Variants in L3MBTL4 observed in about 807,000 individuals in gnomAD.
The protein encoded by L3MBTL4 is lethal(3)malignant brain tumor-like protein 4.
L3MBTL4 carries 70 observed loss-of-function variants against 84.5 expected under a neutral mutation model. The observed-to-expected ratio is 0.83, with a 90% confidence interval of 0.68 to 1.01. The LOEUF (loss-of-function observed/expected upper bound fraction) is 1.01. Ranked by LOEUF, L3MBTL4 falls within the 50% of genes least tolerant of loss-of-function variation. The pLI, the probability that L3MBTL4 is intolerant of heterozygous loss-of-function variation, is 0.00. For synonymous variants in L3MBTL4, 274 were observed against 259.8 expected, an observed-to-expected ratio of 1.05 and a Z score of -0.52; for missense variants, 715 against 754.8, an observed-to-expected ratio of 0.95 and a Z score of 0.62.
intron 1 of L3MBTL4, among the ~76,000 whole-genome samples, chr18:6,381,540 C>T (rs2054595206): frequency 6.6e-6 from 1 of 152,234 alleles, no homozygotes; most frequent in Non-Finnish European, 1.5e-5. Context: ...GTGACAAAAT[C>T]TCTCAGCATT....
rs569959536 is a variant in L3MBTL4, at chr18:6,406,637, G to A, written c.-91+8164C>T. Among the ~76,000 whole-genome samples, 71 of 152,202 alleles carry A rather than the reference G, an allele frequency of 4.7e-4. No homozygotes were observed. In the South Asian group the frequency reaches 0.015, roughly 32 times the overall value. On this transcript the variant is annotated intron_variant, in intron 1 of 18. Transcript: ENST00000317931. ...CGTTGTCACAGCTAAGGAGGGGGAG[G>A]TGCTACAGACATCTCGTGAGGTGAG...
At chr18:6,307,302 T>C (rs970935065) in intron 3 of L3MBTL4, among the ~76,000 whole-genome samples, 2 of 151,490 alleles carry the variant, frequency 1.3e-5, no homozygotes, top group African/African-American at 4.9e-5. Flanking sequence ...CTGAACGTGG[T>C]GGTGCGCACC....
intron 16 of L3MBTL4, among the ~76,000 whole-genome samples, chr18:6,011,760 C>A (rs1385581801): frequency 1.3e-5 from 2 of 152,200 alleles, no homozygotes; most frequent in Admixed American, 1.3e-4. Context: ...TTTAGGCATA[C>A]AACAGACCCA....
intron 1 of L3MBTL4, among the ~76,000 whole-genome samples, chr18:6,408,074 G>GAGT (rs1363996343): frequency 2.0e-5 from 3 of 152,122 alleles, no homozygotes; most frequent in African/African-American, 7.2e-5. Context: ...ATTAGACAAG[G>GAGT]AGTAAAAAAG....
At chr18:5,981,656 A>G (rs1442557967) in intron 16 of L3MBTL4, among the ~76,000 whole-genome samples, 3 of 92,822 alleles carry the variant, frequency 3.2e-5, no homozygotes, top group Non-Finnish European at 6.1e-5. Context: ...TTCTTTGAGG[A>G]AAAAAAAAAA....
rs2057628813 is a variant in L3MBTL4 at position 6,071,744 on chromosome 18, G to GAAA, written c.1444+9136_1444+9137insTTT. On this transcript the variant is annotated intron_variant, in intron 16 of 18. Transcript: ENST00000317931. ...AAGAAAGAAGGAAAGAAAGAAGGAA[G>GAAA]GAAAGAAAGAAAGAAAAAAAGAAAG... is the stretch of plus-strand genomic sequence containing the variant. Among the ~76,000 whole-genome samples, 4 of 40,062 alleles carry GAAA rather than the reference G, an allele frequency of 1.0e-4. 1 individual carries two copies. The highest frequency in any genetic ancestry group is 2.9e-4 in the African/African-American group (4 of 13,910). The allele number at this position is 40,062 out of a possible 152,430, so 26.3% of individuals were successfully genotyped here.
intron 16 of L3MBTL4, among the ~76,000 whole-genome samples, chr18:6,033,374 G>A (rs949637340): frequency 6.6e-6 from 1 of 152,070 alleles, no homozygotes; most frequent in Middle Eastern, 3.2e-3. Context: ...TCTAAAGTGA[G>A]TCTTTTGAAG....
At chr18:6,219,647 C>T (rs2046467473) in intron 10 of L3MBTL4, among the ~76,000 whole-genome samples, 1 of 151,508 alleles carries the variant, frequency 6.6e-6, no homozygotes, top group African/African-American at 2.4e-5. Context: ...TCCGGTAAAA[C>T]GGTAGATCTG....
intron 4 of L3MBTL4, among the ~76,000 whole-genome samples, chr18:6,289,658 T>C (rs1226442178): frequency 1.3e-5 from 2 of 152,204 alleles, no homozygotes; most frequent in African/African-American, 4.8e-5. Context: ...TGTTCTCCCC[T>C]TGAGAAGGAC....
At chr18:6,340,598 G>GCAA (rs1414865151) in intron 1 of L3MBTL4, among the ~76,000 whole-genome samples, 3 of 152,148 alleles carry the variant, frequency 2.0e-5, no homozygotes, top group African/African-American at 7.2e-5. Flanking sequence ...GGGGCTCACT[G>GCAA]CAACCAGTGC....
At chr18:6,130,851 A>G (rs1407386326) in intron 14 of L3MBTL4, among the ~76,000 whole-genome samples, 2 of 152,196 alleles carry the variant, frequency 1.3e-5, no homozygotes, top group African/African-American at 4.8e-5. Context: ...ATTGTGTGCC[A>G]AAAGTCCTAT....
At chr18:6,391,728 A>G (rs1736104935) in intron 1 of L3MBTL4, among the ~76,000 whole-genome samples, 1 of 138,816 alleles carries the variant, frequency 7.2e-6, no homozygotes. Context: ...CAATCCCTTT[A>G]CAACATCTGC....
At chr18:6,410,002 C>T (rs1455251030) in intron 1 of L3MBTL4, among the ~76,000 whole-genome samples, 2 of 152,168 alleles carry the variant, frequency 1.3e-5, no homozygotes, top group African/African-American at 4.8e-5. Flanking sequence ...CCACTTCTAC[C>T]CACTTCCATG....
chr18:6,330,731 G>A (rs910686077), intron 1 of L3MBTL4, among the ~76,000 whole-genome samples: 1 of 152,198 alleles, frequency 6.6e-6, no homozygotes, highest in Non-Finnish European at 1.5e-5. Flanking sequence ...TATTCTGAAA[G>A]TGTTTTTAAA....
At chr18:6,214,694 C>T (rs796332737) in intron 11 of L3MBTL4, among the ~76,000 whole-genome samples, 2 of 152,248 alleles carry the variant, frequency 1.3e-5, no homozygotes, top group African/African-American at 4.8e-5. Flanking sequence ...TCTTTCATCC[C>T]GGAGAATCTT....
At chr18:6,068,834 G>A (rs918664032) in intron 16 of L3MBTL4, among the ~76,000 whole-genome samples, 2 of 152,240 alleles carry the variant, frequency 1.3e-5, no homozygotes, top group South Asian at 2.1e-4. Context: ...TATAAGAAAC[G>A]TCCCACTAGT....
At chr18:6,189,886 A>G (rs553325310) in intron 12 of L3MBTL4, among the ~76,000 whole-genome samples, 1 of 152,316 alleles carries the variant, frequency 6.6e-6, no homozygotes, top group South Asian at 2.1e-4. Context: ...GACGTGTGAG[A>G]ACCCCTCAAA....
At chr18:6,382,618 G>C (rs566873059) in intron 1 of L3MBTL4, among the ~76,000 whole-genome samples, 1 of 152,290 alleles carries the variant, frequency 6.6e-6, no homozygotes, top group East Asian at 1.9e-4. Flanking sequence ...TCCAGACCCT[G>C]TTTGCCTGGG....
chr18:6,269,718 G>C (rs1056571955), intron 4 of L3MBTL4, among the ~76,000 whole-genome samples: 10 of 152,122 alleles, frequency 6.6e-5, no homozygotes, highest in East Asian at 1.9e-4. Flanking sequence ...CAGTTTATAT[G>C]AACATTGTCT....
Sources: allele counts gnomAD v4.1 joint callset (sites outside exome capture counted in the v4.1 genomes callset), GRCh38; gene constraint gnomAD v4.1.1; transcripts MANE v1.5; gene names NCBI Gene and HGNC (gene_info 2026-07-23, HGNC 2026-07-21).